SAXO1: variants seen among roughly 807,000 people sequenced by gnomAD.
SAXO1 encodes stabilizer of axonemal microtubules 1, also known as 4930500O09Rik.
Under a neutral mutation model 17.5 loss-of-function variants are expected in SAXO1, and 21 were observed. The ratio of observed to expected loss-of-function variants is 1.20; its 90% CI spans 0.85 to 1.72. The LOEUF is 1.72. SAXO1 is among the 40% of genes most tolerant of loss of function. The probability of loss-of-function intolerance (pLI) is 0.00; values close to 1 mark genes in which losing one functional copy is unlikely to be tolerated. For missense variants in SAXO1, 843 were observed against 596.0 expected (o/e 1.41, Z -4.32); for synonymous variants, 274 against 216.5 (o/e 1.27, Z -2.33).
Position 18,973,903 on chromosome 9 carries a change from G to A in SAXO1, c.39-22966C>T, listed in dbSNP as rs146688291. Among the ~76,000 whole-genome samples the A allele has an allele frequency of 2.5e-3, 378 of 152,296 alleles. 1 individual carries two copies. The highest frequency in any genetic ancestry group is 8.7e-3 in the African/African-American group (361 of 41,574). On this transcript the variant is annotated intron_variant, in intron 1 of 3. Coordinates refer to ENST00000380534, the MANE Select transcript of SAXO1 (RefSeq NM_153707.4). ...TCCATATGACACTCTCAAAGCTCTT[G>A]TTATATGTCATGTACTATGTTGGGT...
At chr9:19,042,718 C>T (rs1836105958) in intron 1 of SAXO1, among the ~76,000 whole-genome samples, 1 of 152,108 alleles carries the variant, frequency 6.6e-6, no homozygotes, top group Non-Finnish European at 1.5e-5. Context: ...CAAAATTAGC[C>T]AGGCATGGTG....
At chr9:19,011,508 G>A (rs1278431669) in intron 1 of SAXO1, among the ~76,000 whole-genome samples, 1 of 152,192 alleles carries the variant, frequency 6.6e-6, no homozygotes. Context: ...AAGCATCCAA[G>A]TTTCTTGTGT....
intron 1 of SAXO1, among the ~76,000 whole-genome samples, chr9:18,957,124 C>A (rs1484357686): frequency 2.6e-5 from 4 of 152,202 alleles, no homozygotes; most frequent in Non-Finnish European, 1.5e-5. Flanking sequence ...CAAGTTCCCT[C>A]AGCTACACTC....
intron 1 of SAXO1, among the ~76,000 whole-genome samples, chr9:18,976,690 C>T (rs1563956985): frequency 6.6e-6 from 1 of 152,230 alleles, no homozygotes; most frequent in Admixed American, 6.5e-5. Context: ...GGGACGCTTT[C>T]CTGAGTCTTG....
At chr9:18,954,996 T>C (rs900645196) in intron 1 of SAXO1, among the ~76,000 whole-genome samples, 1 of 151,864 alleles carries the variant, frequency 6.6e-6, no homozygotes, top group African/African-American at 2.4e-5. Flanking sequence ...AGCCATGTCA[T>C]ACACGTCATT....
intron 1 of SAXO1, among the ~76,000 whole-genome samples, chr9:19,012,956 G>C (rs1016759543): frequency 6.6e-6 from 1 of 152,112 alleles, no homozygotes; most frequent in African/African-American, 2.4e-5. Flanking sequence ...TAGGCTGTGA[G>C]GTTGTTTCTA....
At chr9:18,959,637 G>A (rs146452230) in intron 1 of SAXO1, among the ~76,000 whole-genome samples, 52 of 152,252 alleles carry the variant, frequency 3.4e-4, no homozygotes, top group African/African-American at 1.2e-3. Context: ...CAGGTGTGGT[G>A]GCAGATGTCT....
intron 1 of SAXO1, among the ~76,000 whole-genome samples, chr9:19,047,838 C>G (rs943833703): frequency 3.9e-5 from 6 of 152,082 alleles, no homozygotes; most frequent in African/African-American, 1.4e-4. Flanking sequence ...TGTGTTCCAC[C>G]AAATGAGCCA....
chr9:18,945,680 C>A (rs1831761322), intron 2 of SAXO1, among the ~76,000 whole-genome samples: 1 of 152,170 alleles, frequency 6.6e-6, no homozygotes, highest in African/African-American at 2.4e-5. Flanking sequence ...TTACATAGCA[C>A]CTGTCTTCTC....
chr9:18,946,654 A>T (rs1831811436), intron 2 of SAXO1, among the ~76,000 whole-genome samples: 1 of 152,198 alleles, frequency 6.6e-6, no homozygotes, highest in Admixed American at 6.5e-5. Context: ...AAAGAAAAAA[A>T]AAAGATAATT....
At chr9:19,016,174 G>T (rs2131003111) in intron 1 of SAXO1, among the ~76,000 whole-genome samples, 1 of 152,324 alleles carries the variant, frequency 6.6e-6, no homozygotes, top group Non-Finnish European at 1.5e-5. Context: ...GGTGGCTCAT[G>T]CCTGTAATCC....
At chr9:18,960,767 C>G (rs1334132049) in intron 1 of SAXO1, among the ~76,000 whole-genome samples, 1 of 150,884 alleles carries the variant, frequency 6.6e-6, no homozygotes, top group African/African-American at 2.5e-5. Flanking sequence ...GACAACAGAG[C>G]AAGACCCTGT....
chr9:19,048,927 T>A (rs539839928), intron 1 of SAXO1, among the ~76,000 whole-genome samples: 4 of 152,236 alleles, frequency 2.6e-5, no homozygotes. Flanking sequence ...GACTTGCTAT[T>A]ACCTAGCTGC....
intron 1 of SAXO1, among the ~76,000 whole-genome samples, chr9:19,023,446 C>G (rs1835333818): frequency 6.6e-6 from 1 of 152,098 alleles, no homozygotes; most frequent in Non-Finnish European, 1.5e-5. Context: ...TTCTATCTCC[C>G]TTTTACTGAT....
chr9:18,951,864 A>G (rs77290448), intron 1 of SAXO1, among the ~76,000 whole-genome samples: 2,567 of 152,292 alleles, frequency 0.017, 77 homozygotes, highest in African/African-American at 0.059. Context: ...ATCATATCCT[A>G]AATTTTTCAT....
chr9:18,954,125 G>C (rs1462832824), intron 1 of SAXO1, among the ~76,000 whole-genome samples: 2 of 152,172 alleles, frequency 1.3e-5, no homozygotes, highest in Admixed American at 1.3e-4. Context: ...GAGAGAGGAG[G>C]TTTCTTTAGC....
At position 18,936,551 on chromosome 9, in the gene SAXO1, A is replaced by G. The variant is rs1389979422; in HGVS notation, c.421+5086T>C. On this transcript the variant is annotated intron_variant, in intron 3 of 3. Transcript: ENST00000380534. ...CATGTGATTTCTGATACCCAACAAT[A>G]TAGTTGAAACCACATTATTATCCAA... 2.6e-5 allele frequency among the ~76,000 whole-genome samples: 4 copies of G among 152,166 alleles called. No homozygotes were observed. In the South Asian group the frequency reaches 8.3e-4, roughly 32 times the overall value.
At chr9:19,001,124 CAACAG>C (rs1834247250) in intron 1 of SAXO1, among the ~76,000 whole-genome samples, 1 of 152,188 alleles carries the variant, frequency 6.6e-6, no homozygotes, top group African/African-American at 2.4e-5. Flanking sequence ...CAACCCAAAT[CAACAG>C]AATATACATT....
intron 1 of SAXO1, among the ~76,000 whole-genome samples, chr9:18,963,295 T>G (rs1832567226): frequency 6.6e-6 from 1 of 152,232 alleles, no homozygotes; most frequent in African/African-American, 2.4e-5. Flanking sequence ...CAGGCTTTTT[T>G]TGGTTCCATA....
Sources: gnomAD v4.1 joint callset for allele counts (sites outside exome capture counted in the v4.1 genomes callset) on GRCh38, gnomAD v4.1.1 for gene constraint, MANE v1.5 for transcripts, NCBI Gene and HGNC (gene_info 2026-07-23, HGNC 2026-07-21) for gene names.